The following LOC400499 variants were observed in gnomAD, a reference collection of about 807,000 sequenced individuals.
At chr16:11,376,517 C>A in the LOC400499 span, among the ~76,000 whole-genome samples, 4 of 152,140 alleles carry the variant, frequency 2.6e-5, no homozygotes, top group Non-Finnish European at 4.4e-5. Context: ...GTAAGAGTTT[C>A]TTTCTAGACT....
chr16:11,439,179 TTCTC>T, the LOC400499 span, among the ~76,000 whole-genome samples: 119 of 152,274 alleles, frequency 7.8e-4, no homozygotes, highest in African/African-American at 2.8e-3. Flanking sequence ...ATTACATGGC[TTCTC>T]CCAAGCCCAA....
chr16:11,455,101 T>C, the LOC400499 span, among the ~76,000 whole-genome samples: 18 of 151,816 alleles, frequency 1.2e-4, no homozygotes, highest in African/African-American at 3.9e-4. Flanking sequence ...ACTAATCAAA[T>C]AGAAAAATAA....
chr16:11,424,324 T>A, the LOC400499 span: 3 of 399,518 alleles, frequency 7.5e-6, no homozygotes, highest in Non-Finnish European at 1.3e-5. Flanking sequence ...GACAGGAGCA[T>A]CCCTGCCTCG....
At chr16:11,438,112 C>G in the LOC400499 span, among the ~76,000 whole-genome samples, 6 of 152,168 alleles carry the variant, frequency 3.9e-5, no homozygotes, top group African/African-American at 1.2e-4. Context: ...CATGCCCCCC[C>G]ACAATAGCAT....
the LOC400499 span, among the ~76,000 whole-genome samples, chr16:11,513,176 GAA>G: frequency 3.3e-5 from 5 of 152,196 alleles, no homozygotes; most frequent in Admixed American, 3.3e-4. Context: ...GGGCGAGGTG[GAA>G]GGATTATTTG....
the LOC400499 span, among the ~76,000 whole-genome samples, chr16:11,492,782 C>T: frequency 1.1e-5 from 1 of 91,988 alleles, no homozygotes; most frequent in Non-Finnish European, 1.9e-5. Flanking sequence ...GAGACTCCGT[C>T]TCAAAAAAAA....
chr16:11,512,920 A>G, the LOC400499 span, among the ~76,000 whole-genome samples: 1 of 152,076 alleles, frequency 6.6e-6, no homozygotes, highest in Non-Finnish European at 1.5e-5. Flanking sequence ...GAGAAATCCC[A>G]AGGTCCCATC....
At chr16:11,504,740 T>C in the LOC400499 span, among the ~76,000 whole-genome samples, 1 of 152,054 alleles carries the variant, frequency 6.6e-6, no homozygotes, top group African/African-American at 2.4e-5. Context: ...CTGGCCAACA[T>C]GGTGAAACCT....
At chr16:11,416,531 C>T in the LOC400499 span, among the ~76,000 whole-genome samples, 17 of 152,306 alleles carry the variant, frequency 1.1e-4, no homozygotes, top group Admixed American at 6.5e-4. Context: ...ATGCACCCTA[C>T]GGCGAAGCAG....
At chr16:11,413,736 T>C in the LOC400499 span, among the ~76,000 whole-genome samples, 12 of 152,212 alleles carry the variant, frequency 7.9e-5, no homozygotes. Context: ...TTCTTCATCT[T>C]TGCCTTCATC....
At chr16:11,372,610 C>G in the LOC400499 span, 2 of 403,808 alleles carry the variant, frequency 5.0e-6, no homozygotes, top group South Asian at 2.0e-4. Flanking sequence ...TTCTGAGTTT[C>G]CCGGCATTCC....
At chr16:11,419,959 G>A in the LOC400499 span, among the ~76,000 whole-genome samples, 982 of 151,228 alleles carry the variant, frequency 6.5e-3, 16 homozygotes, top group African/African-American at 0.023. Context: ...TGCTGGCGAG[G>A]ATGTGGAGAA....
chr16:11,375,255 G>T, the LOC400499 span, among the ~76,000 whole-genome samples: 2 of 142,126 alleles, frequency 1.4e-5, no homozygotes, highest in East Asian at 3.9e-4. Context: ...CCTAACACTT[G>T]TTATTTTCTG....
chr16:11,504,930 A>G, the LOC400499 span, among the ~76,000 whole-genome samples: 1 of 152,154 alleles, frequency 6.6e-6, no homozygotes, highest in Non-Finnish European at 1.5e-5. Context: ...CTCGAAAAAA[A>G]AAAATTGTAA....
At chr16:11,413,025 C>A in the LOC400499 span, 1 of 398,400 alleles carries the variant, frequency 2.5e-6, no homozygotes, top group Non-Finnish European at 4.4e-6. Flanking sequence ...GGGTGGGGAC[C>A]CCAGCCGAGC....
the LOC400499 span, among the ~76,000 whole-genome samples, chr16:11,424,728 G>C: frequency 6.6e-6 from 1 of 152,162 alleles, no homozygotes; most frequent in Non-Finnish European, 1.5e-5. Context: ...TCCAGGCCTG[G>C]AGGTAACTTC....
the LOC400499 span, among the ~76,000 whole-genome samples, chr16:11,421,704 T>A: frequency 0.016 from 2,508 of 152,174 alleles, 71 homozygotes; most frequent in African/African-American, 0.057. Context: ...ATTCTGTTTG[T>A]ATGAAATTTC....
the LOC400499 span, among the ~76,000 whole-genome samples, chr16:11,411,059 G>C: frequency 1.3e-5 from 2 of 152,226 alleles, no homozygotes; most frequent in African/African-American, 4.8e-5. Context: ...GCTGGCCCAG[G>C]AATGTAAACC....
chr16:11,399,173 C>T, the LOC400499 span: 9 of 980,142 alleles, frequency 9.2e-6, no homozygotes, highest in African/African-American at 1.6e-4. Context: ...CCGGAGCTCC[C>T]GATCTCCCTC....
Sources: gnomAD v4.1 joint callset for allele counts (sites outside exome capture counted in the v4.1 genomes callset) on GRCh38, gnomAD v4.1.1 for gene constraint, MANE v1.5 for transcripts.